Variants in KCNMA1 observed in about 807,000 individuals in gnomAD.
The protein encoded by KCNMA1 is potassium calcium-activated channel subfamily M alpha 1, also known as Calcium-activated potassium channel subunit alpha-1.
KCNMA1 carries 29 observed loss-of-function variants against 140.0 expected under a neutral mutation model. The observed-to-expected ratio is 0.21, with a 90% CI of 0.15 to 0.28. The LOEUF (loss-of-function observed/expected upper bound fraction) is 0.28, where lower values mean the gene tolerates loss of function less well. Ranked by LOEUF, KCNMA1 falls within the 10% of genes least tolerant of loss-of-function variation. KCNMA1 has a pLI of 1.00. For missense variants in KCNMA1, 880 were observed against 1,602.2 expected (o/e 0.55, Z 7.70); for synonymous variants, 612 against 611.9 (o/e 1.00, Z 0.00).
In KCNMA1 at chr10:77,073,007, G is replaced by A. The variant is rs1013361091; in HGVS notation, c.1749+90C>T. Reference sequence around the variant, plus strand: ...TTAACCCAAGTGGTTAGAGCCCGTCGATCTGTTTTGAGTTTAAGCTGTGCT... The same window carrying A: ...TTAACCCAAGTGGTTAGAGCCCGTCAATCTGTTTTGAGTTTAAGCTGTGCT... On this transcript the variant is annotated intron_variant, in intron 14 of 27. Transcript: ENST00000286628. 5.5e-6 allele frequency: 7 copies of A among 1,268,704 alleles called. No individual in the cohort carries two copies. In the East Asian group the frequency reaches 7.0e-5, roughly 13 times the overall value. 78.6% of individuals were successfully genotyped at this position (1,268,704 alleles called of 1,614,324 possible).
intron 14 of KCNMA1, among the ~76,000 whole-genome samples, chr10:77,053,572 G>C (rs2095444275): frequency 6.6e-6 from 1 of 152,150 alleles, no homozygotes; most frequent in Admixed American, 6.5e-5. Flanking sequence ...ACCACAAAGA[G>C]CTCCAGGGAC....
At chr10:76,891,461 C>T (rs2040037248) in intron 26 of KCNMA1, 64 bp downstream of exon 26, 7 of 1,305,142 alleles carry the variant, frequency 5.4e-6, no homozygotes, top group Middle Eastern at 2.2e-4. Context: ...TCTGATACCA[C>T]GTTCTTCAGG....
chr10:76,897,049 A>C (rs1482794123), intron 25 of KCNMA1, among the ~76,000 whole-genome samples: 2 of 116,390 alleles, frequency 1.7e-5, no homozygotes, highest in African/African-American at 6.9e-5. Context: ...CACACACACA[A>C]TTAGTGATAC....
chr10:77,544,681 GT>G (rs1198486044), intron 1 of KCNMA1, among the ~76,000 whole-genome samples: 1 of 152,172 alleles, frequency 6.6e-6, no homozygotes, highest in Admixed American at 6.5e-5. Context: ...CCGTCTTCCT[GT>G]TGAAGAGACT....
chr10:76,880,637 G>A (rs1239058345), downstream of KCNMA1, among the ~76,000 whole-genome samples: 1 of 152,242 alleles, frequency 6.6e-6, no homozygotes, highest in Non-Finnish European at 1.5e-5. Context: ...CAGCATCCAT[G>A]GAGAGTGCTG....
intron 21 of KCNMA1, among the ~76,000 whole-genome samples, chr10:76,953,502 A>G (rs2067051090): frequency 6.6e-6 from 1 of 152,202 alleles, no homozygotes; most frequent in Non-Finnish European, 1.5e-5. Context: ...GCAGGCTCTG[A>G]CACCAGCGCC....
intron 5 of KCNMA1, 24 bp downstream of exon 5, chr10:77,183,397 A>G (rs1001348622): frequency 6.7e-7 from 1 of 1,487,854 alleles, no homozygotes; most frequent in Non-Finnish European, 9.4e-7. Flanking sequence ...ACCAGGAAGG[A>G]GAAGGAAAGA....
chr10:76,983,785 A>C (rs1198735259), intron 19 of KCNMA1, among the ~76,000 whole-genome samples: 1 of 152,020 alleles, frequency 6.6e-6, no homozygotes, highest in East Asian at 1.9e-4. Context: ...TAAGTGAGTC[A>C]TCCTGAGACA....
At chr10:77,634,775 A>G in intron 1 of KCNMA1, 1 of 198,856 alleles carries the variant, frequency 5.0e-6, no homozygotes, top group Non-Finnish European at 7.7e-6. Flanking sequence ...AAAGAAAAAA[A>G]GACAAACACA....
chr10:76,927,121 C>A (rs2057950483), intron 23 of KCNMA1, among the ~76,000 whole-genome samples: 1 of 152,082 alleles, frequency 6.6e-6, no homozygotes, highest in African/African-American at 2.4e-5. Context: ...TAAACGTGAT[C>A]TCCAACAAAA....
At chr10:77,155,970 G>A (rs1306937720) in intron 5 of KCNMA1, among the ~76,000 whole-genome samples, 3 of 152,184 alleles carry the variant, frequency 2.0e-5, no homozygotes, top group African/African-American at 4.8e-5. Flanking sequence ...GCTCACGCCT[G>A]TAATCCCAGC....
At chr10:77,450,970 A>T (rs1332972878) in intron 1 of KCNMA1, among the ~76,000 whole-genome samples, 1 of 152,114 alleles carries the variant, frequency 6.6e-6, no homozygotes, top group Non-Finnish European at 1.5e-5. Context: ...TCCCCTGCAC[A>T]TGCCTTCTTA....
At chr10:77,447,645 T>C (rs180696036) in intron 1 of KCNMA1, among the ~76,000 whole-genome samples, 23 of 152,314 alleles carry the variant, frequency 1.5e-4, no homozygotes, top group African/African-American at 5.5e-4. Context: ...TCACACAGCA[T>C]GCTGGCTCCT....
chr10:77,179,577 C>T (rs1221867605), intron 5 of KCNMA1, among the ~76,000 whole-genome samples: 7 of 152,168 alleles, frequency 4.6e-5, no homozygotes. Flanking sequence ...GATGCCAACA[C>T]AACACAGCAA....
At chr10:77,515,540 GC>G (rs2050088545) in intron 1 of KCNMA1, among the ~76,000 whole-genome samples, 1 of 152,130 alleles carries the variant, frequency 6.6e-6, no homozygotes, top group Non-Finnish European at 1.5e-5. Context: ...TTCCTAGGCT[GC>G]CTCTCAGACA....
intron 23 of KCNMA1, among the ~76,000 whole-genome samples, chr10:76,931,518 A>ACC (rs1491569248): frequency 8.7e-6 from 1 of 114,908 alleles, no homozygotes; most frequent in African/African-American, 3.3e-5. Flanking sequence ...CTGTTTTAAG[A>ACC]AAAAAAAAAA....
intron 20 of KCNMA1, among the ~76,000 whole-genome samples, chr10:76,962,003 T>C (rs2071694622): frequency 6.6e-6 from 1 of 152,228 alleles, no homozygotes; most frequent in South Asian, 2.1e-4. Flanking sequence ...GAGCAAGAAA[T>C]GCCACTTGGC....
chr10:76,921,520 A>C (rs2055773875), intron 23 of KCNMA1, among the ~76,000 whole-genome samples: 1 of 152,208 alleles, frequency 6.6e-6, no homozygotes, highest in African/African-American at 2.4e-5. Flanking sequence ...ATTGCTGCTT[A>C]TGGGAAAATT....
intron 2 of KCNMA1, among the ~76,000 whole-genome samples, chr10:77,299,100 C>T (rs923790306): frequency 6.6e-6 from 1 of 152,140 alleles, no homozygotes; most frequent in African/African-American, 2.4e-5. Flanking sequence ...TTCTTAAAAG[C>T]CAGAAGACTA....
Sources: gnomAD v4.1 joint callset for allele counts (sites outside exome capture counted in the v4.1 genomes callset) on GRCh38, gnomAD v4.1.1 for gene constraint, MANE v1.5 for transcripts, NCBI Gene and HGNC (gene_info 2026-07-23, HGNC 2026-07-21) for gene names.